Variants in ALK observed in about 807,000 individuals in gnomAD.
The protein encoded by ALK is ALK receptor tyrosine kinase.
A neutral mutation model predicts 163.1 loss-of-function variants in ALK; 74 were observed. That is an observed-to-expected ratio of 0.45 (90% CI 0.38 to 0.55). ALK has a LOEUF of 0.55. ALK is among the 20% of genes least tolerant of loss of function. ALK has a pLI of 0.00. For missense variants in ALK, 2,063 were observed against 2,105.3 expected, an observed-to-expected ratio of 0.98 and a Z score of 0.39; for synonymous variants, 960 against 843.2, an observed-to-expected ratio of 1.14 and a Z score of -2.40.
intron 1 of ALK, among the ~76,000 whole-genome samples, chr2:29,718,815 A>G (rs1358781956): frequency 2.0e-5 from 3 of 152,188 alleles, no homozygotes; most frequent in Non-Finnish European, 4.4e-5. Flanking sequence ...TTCTGGTGGT[A>G]ACTGTTAACC....
At position 29,523,871 on chromosome 2, in the gene ALK, T is replaced by C. The variant is rs1307439693; in HGVS notation, c.1154+8044A>G. On this transcript the variant is annotated intron_variant, in intron 4 of 28. Coordinates refer to ENST00000389048, the MANE Select transcript of ALK (RefSeq NM_004304.5). The stretch of plus-strand genomic sequence containing the variant: ...CAGAAGCTGAAGGTTTTTTTTTTTT[T>C]TTTTTTTTTTTTTTTTTTTTATGCC... Among the ~76,000 whole-genome samples the C allele has an allele frequency of 1.1e-4, 16 of 143,768 alleles. 2 individuals are homozygous for C. The highest frequency in any genetic ancestry group is 2.3e-4 in the South Asian group (1 of 4,322). 94.3% of individuals were successfully genotyped at this position (143,768 alleles called of 152,430 possible).
chr2:29,597,691 T>A (rs1675251719), intron 3 of ALK, among the ~76,000 whole-genome samples: 1 of 152,218 alleles, frequency 6.6e-6, no homozygotes. Context: ...GCCATGATTT[T>A]AATAAAAGTT....
intron 4 of ALK, among the ~76,000 whole-genome samples, chr2:29,468,853 CAAAAAAAAAAAAAAAAA>C: frequency 3.2e-5 from 1 of 30,920 alleles, no homozygotes; most frequent in South Asian, 2.2e-3. Flanking sequence ...GACCCTGCCT[CAAAAAAAAAAAAAAAAA>C]AAAAAAAAAA....
At chr2:29,517,193 A>G (rs763876777) in intron 4 of ALK, among the ~76,000 whole-genome samples, 4 of 152,152 alleles carry the variant, frequency 2.6e-5, no homozygotes, top group Non-Finnish European at 5.9e-5. Context: ...TGTCACATAC[A>G]GAGAGGTTTA....
At chr2:29,407,935 A>T (rs1483797993) in intron 4 of ALK, among the ~76,000 whole-genome samples, 1 of 152,180 alleles carries the variant, frequency 6.6e-6, no homozygotes, top group Admixed American at 6.5e-5. Context: ...AATTACTAGG[A>T]GAGTAGCTTT....
chr2:29,571,602 C>CTTTTTTTTTTTTTTTTTTTT (rs60429543), intron 3 of ALK, among the ~76,000 whole-genome samples: 9 of 68,526 alleles, frequency 1.3e-4, no homozygotes, highest in East Asian at 3.7e-4. Flanking sequence ...TGGCTCATAT[C>CTTTTTTTTTTTTTTTTTTTT]TTTTTTTTTT....
In ALK at chr2:29,921,149, G is replaced by A. The variant is rs957194330; in HGVS notation, c.-490C>T. The A allele has an allele frequency of 1.1e-4, 27 of 237,672 alleles. No individual in the cohort carries two copies. The highest frequency in any genetic ancestry group is 2.1e-4 in the Non-Finnish European group (25 of 121,284). The allele number at this position is 237,672 out of a possible 1,614,324, so 14.7% of individuals were successfully genotyped here. ...CTGCACGCTGTCCTGGCCGCCTTTT[G>A]CGTTCCTTTTGGCTCCTCCAAGCTC... On this transcript the variant is annotated 5_prime_UTR_variant, in exon 1 of 29. Coordinates refer to ENST00000389048, the MANE Select transcript of ALK (RefSeq NM_004304.5).
chr2:29,796,390 CA>C (rs1476822075), intron 1 of ALK, among the ~76,000 whole-genome samples: 3 of 152,096 alleles, frequency 2.0e-5, no homozygotes, highest in Admixed American at 6.5e-5. Context: ...ATTAAAAGAC[CA>C]AAAAAGCTCC....
At chr2:29,483,241 G>C (rs1484976482) in intron 4 of ALK, among the ~76,000 whole-genome samples, 2 of 152,218 alleles carry the variant, frequency 1.3e-5, no homozygotes, top group Non-Finnish European at 2.9e-5. Context: ...GTTAAACCCT[G>C]TCTGTATACT....
chr2:29,466,567 C>A (rs1221583389), intron 4 of ALK, among the ~76,000 whole-genome samples: 1 of 152,126 alleles, frequency 6.6e-6, no homozygotes, highest in East Asian at 1.9e-4. Context: ...AAAAAGGGCT[C>A]CTCAATTTTA....
At chr2:29,722,563 CTTTAT>C (rs961738757) in intron 1 of ALK, among the ~76,000 whole-genome samples, 3 of 152,138 alleles carry the variant, frequency 2.0e-5, no homozygotes, top group African/African-American at 7.2e-5. Context: ...TCTGTGGGAT[CTTTAT>C]TTTATTATTT....
At chr2:29,857,811 C>G (rs967167607) in intron 1 of ALK, among the ~76,000 whole-genome samples, 1 of 152,198 alleles carries the variant, frequency 6.6e-6, no homozygotes, top group Non-Finnish European at 1.5e-5. Context: ...TACCACTAGG[C>G]AAGTGTTAGG....
chr2:29,492,139 C>G (rs1671917913), intron 4 of ALK, among the ~76,000 whole-genome samples: 1 of 152,036 alleles, frequency 6.6e-6, no homozygotes, highest in Non-Finnish European at 1.5e-5. Context: ...TTACCATTAC[C>G]AATTACAGTA....
At chr2:29,883,960 T>TA (rs949222826) in intron 1 of ALK, among the ~76,000 whole-genome samples, 16 of 152,230 alleles carry the variant, frequency 1.1e-4, no homozygotes, top group African/African-American at 3.9e-4. Flanking sequence ...CACAAATCTA[T>TA]AAGTTAAAAT....
chr2:29,314,474 C>G (rs944186063), intron 8 of ALK, among the ~76,000 whole-genome samples: 1 of 151,852 alleles, frequency 6.6e-6, no homozygotes, highest in Non-Finnish European at 1.5e-5. Flanking sequence ...GGTGTGTGCA[C>G]GCATGTGTGT....
chr2:29,638,286 A>G (rs760170209), intron 3 of ALK, among the ~76,000 whole-genome samples: 39 of 152,244 alleles, frequency 2.6e-4, no homozygotes, highest in Non-Finnish European at 5.1e-4. Flanking sequence ...CTAGGGGCAC[A>G]GAACATGACT....
At chr2:29,571,831 G>A (rs1007007061) in intron 3 of ALK, among the ~76,000 whole-genome samples, 1 of 151,982 alleles carries the variant, frequency 6.6e-6, no homozygotes, top group African/African-American at 2.4e-5. Context: ...GGCCAGGCTG[G>A]TCTCGAACTC....
chr2:29,487,589 G>A (rs12714286), intron 4 of ALK, among the ~76,000 whole-genome samples: 120,957 of 152,098 alleles, frequency 0.8, 48,670 homozygotes, highest in Non-Finnish European at 0.86. Context: ...ACAACTGAGT[G>A]ACTTTGAGCA....
rs536467817 is a variant in ALK at position 29,622,195 on chromosome 2, T to C, written c.952+72655A>G. Reference sequence around the variant, plus strand: ...TGCAGGGTTCTTCTGAGGCTGCTTTTATTATTAAAACTTACCAATCAACCA... The same window carrying C: ...TGCAGGGTTCTTCTGAGGCTGCTTTCATTATTAAAACTTACCAATCAACCA... On this transcript the variant is annotated intron_variant, in intron 3 of 28. Transcript: ENST00000389048. 3.9e-5 allele frequency among the ~76,000 whole-genome samples: 6 copies of C among 152,332 alleles called. No individual in the cohort carries two copies. The East Asian group carries it at 1.2e-3, about 29-fold the overall frequency.
Sources: gnomAD v4.1 joint callset for allele counts (sites outside exome capture counted in the v4.1 genomes callset) on GRCh38, gnomAD v4.1.1 for gene constraint, MANE v1.5 for transcripts, NCBI Gene and HGNC (gene_info 2026-07-23, HGNC 2026-07-21) for gene names.